AKAIN1: variants seen among roughly 807,000 people sequenced by gnomAD.
AKAIN1 encodes the protein A-kinase anchor protein inhibitor 1.
Under a neutral mutation model 3.7 loss-of-function variants are expected in AKAIN1, and 3 were observed. That is an observed-to-expected ratio of 0.82 (90% CI 0.37 to 2.12). AKAIN1 has a LOEUF of 2.12. Among genes scored for constraint, AKAIN1 ranks in the 30% most tolerant of loss-of-function variants. AKAIN1 has a pLI of 0.06. For synonymous variants in AKAIN1, 31 were observed against 30.8 expected (o/e 1.01, Z -0.02); for missense variants, 82 against 82.7 (o/e 0.99, Z 0.03).
At chr18:5,148,410 G>T (rs1365044090) in intron 1 of AKAIN1, among the ~76,000 whole-genome samples, 1 of 152,176 alleles carries the variant, frequency 6.6e-6, no homozygotes, top group Non-Finnish European at 1.5e-5. Flanking sequence ...AAAATGGAGG[G>T]CAAGCAATTT....
intron 1 of AKAIN1, among the ~76,000 whole-genome samples, chr18:5,171,233 C>A (rs2071196036): frequency 6.6e-6 from 1 of 152,148 alleles, no homozygotes; most frequent in Admixed American, 6.6e-5. Flanking sequence ...ATATGCTATA[C>A]TTCCATTTAA....
intron 1 of AKAIN1, among the ~76,000 whole-genome samples, chr18:5,186,242 G>A (rs1598316049): frequency 6.6e-6 from 1 of 152,132 alleles, no homozygotes; most frequent in African/African-American, 2.4e-5. Context: ...GTGGGAGGAG[G>A]GAGAGTATAA....
rs557220820 is a variant in AKAIN1 at position 5,164,591 on chromosome 18, C to A, written c.17-18836G>T. 2.0e-5 allele frequency among the ~76,000 whole-genome samples: 3 copies of A among 152,006 alleles called. No homozygotes were observed. In the East Asian group the frequency reaches 5.8e-4, roughly 29 times the overall value. On this transcript the variant is annotated intron_variant, in intron 1 of 1. Coordinates refer to ENST00000434239, the MANE Select transcript of AKAIN1 (RefSeq NM_001145194.2). Reference sequence around the variant, plus strand: ...TCTAGAATGAGCCAGAAATCTGAGTCCCTCCCAGGACGACAGATAACACCT... The same window carrying A: ...TCTAGAATGAGCCAGAAATCTGAGTACCTCCCAGGACGACAGATAACACCT...
chr18:5,194,799 T>A (rs949522482), intron 1 of AKAIN1, among the ~76,000 whole-genome samples: 1 of 152,228 alleles, frequency 6.6e-6, no homozygotes, highest in African/African-American at 2.4e-5. Flanking sequence ...TGGAGTGATC[T>A]TAGCACATGA....
chr18:5,196,994 G>A (rs781075886), intron 1 of AKAIN1, 44 bp downstream of exon 1: 20 of 1,500,886 alleles, frequency 1.3e-5, no homozygotes, highest in Non-Finnish European at 1.7e-5. Context: ...CCTCTACCCT[G>A]CTCCCCTCCT....
intron 1 of AKAIN1, among the ~76,000 whole-genome samples, chr18:5,181,375 T>A (rs2071257612): frequency 6.6e-6 from 1 of 152,120 alleles, no homozygotes; most frequent in Non-Finnish European, 1.5e-5. Flanking sequence ...AGCAAATCCA[T>A]CAGCTGTGAC....
intron 1 of AKAIN1, among the ~76,000 whole-genome samples, chr18:5,160,675 T>G (rs1418701089): frequency 1.3e-5 from 2 of 152,196 alleles, no homozygotes; most frequent in Admixed American, 6.5e-5. Flanking sequence ...TTTTGAAAAC[T>G]TTGCAATTTT....
chr18:5,189,253 A>G (rs1227846919), intron 1 of AKAIN1, among the ~76,000 whole-genome samples: 1 of 152,166 alleles, frequency 6.6e-6, no homozygotes, highest in Non-Finnish European at 1.5e-5. Context: ...AAGATCTTCG[A>G]AATGCCTTTG....
chr18:5,153,902 G>C (rs951624083), intron 1 of AKAIN1, among the ~76,000 whole-genome samples: 1 of 151,688 alleles, frequency 6.6e-6, no homozygotes, highest in Non-Finnish European at 1.5e-5. Context: ...AATGTGTGGG[G>C]GAAGGGGGCA....
chr18:5,197,098 G>A lies in AKAIN1; in HGVS notation c.-45C>T, dbSNP rs1178913822. ...GCCCCCAGATTAAGAGAGAAAGACA[G>A]GCAGACGGAGGATGGGAAGAAGGCC... is the stretch of plus-strand genomic sequence containing the variant. On this transcript the variant is annotated 5_prime_UTR_variant, in exon 1 of 2. Transcript: ENST00000434239. The surrounding 1 kb of genome is among the most constrained non-coding windows in gnomAD (Gnocchi z 6.9). 22 of 1,550,926 alleles carry A rather than the reference G, an allele frequency of 1.4e-5. No homozygotes were observed. In the East Asian group the frequency reaches 5.4e-4, roughly 38 times the overall value.
chr18:5,163,393 G>A (rs1168898611), intron 1 of AKAIN1, among the ~76,000 whole-genome samples: 8 of 151,938 alleles, frequency 5.3e-5, no homozygotes. Flanking sequence ...TCATTTCCAG[G>A]GTTTTCCTCT....
intron 1 of AKAIN1, among the ~76,000 whole-genome samples, chr18:5,154,976 A>G (rs2071099125): frequency 6.6e-6 from 1 of 151,994 alleles, no homozygotes; most frequent in Non-Finnish European, 1.5e-5. Context: ...TTGTAGAGAT[A>G]GTGTCTTGCC....
chr18:5,160,741 G>C lies in AKAIN1; in HGVS notation c.17-14986C>G, dbSNP rs77898664. Reference sequence around the variant, plus strand: ...GAATTGATTTTTGTGCATAGTGTGAGGTAAGGACCTGATTTCCTGTATTTT... The same window carrying C: ...GAATTGATTTTTGTGCATAGTGTGACGTAAGGACCTGATTTCCTGTATTTT... On this transcript the variant is annotated intron_variant, in intron 1 of 1. Transcript: ENST00000434239. Among the ~76,000 whole-genome samples, 384 of 152,236 alleles carry C rather than the reference G, an allele frequency of 2.5e-3. 1 individual carries two copies. The highest frequency in any genetic ancestry group is 8.9e-3 in the African/African-American group (369 of 41,552).
intron 1 of AKAIN1, among the ~76,000 whole-genome samples, chr18:5,169,206 G>A (rs2071184076): frequency 6.6e-6 from 1 of 152,052 alleles, no homozygotes; most frequent in Non-Finnish European, 1.5e-5. Flanking sequence ...TGCTCTTACA[G>A]CCTTCAACTG....
At chr18:5,145,828 G>GGAGGGAA in intron 1 of AKAIN1, 73 bp from the exon 2 acceptor site, 1 of 1,300,126 alleles carries the variant, frequency 7.7e-7, no homozygotes, top group South Asian at 1.4e-5. Context: ...AAAGGTAGAG[G>GGAGGGAA]AGAAAGATGG....
At chr18:5,162,932 G>A (rs1376314422) in intron 1 of AKAIN1, among the ~76,000 whole-genome samples, 1 of 151,774 alleles carries the variant, frequency 6.6e-6, no homozygotes, top group African/African-American at 2.4e-5. Flanking sequence ...GTATCCATAA[G>A]AATCACCTAG....
intron 1 of AKAIN1, among the ~76,000 whole-genome samples, chr18:5,167,746 C>T (rs1322016277): frequency 6.6e-6 from 1 of 151,964 alleles, no homozygotes; most frequent in African/African-American, 2.4e-5. Context: ...CCAGTATAGA[C>T]ACCATGTTTA....
chr18:5,171,479 A>C (rs1023008420), intron 1 of AKAIN1, among the ~76,000 whole-genome samples: 1 of 152,182 alleles, frequency 6.6e-6, no homozygotes. Flanking sequence ...AAGGAGCTCA[A>C]ACAACACTAC....
At chr18:5,156,620 G>A (rs116562802) in intron 1 of AKAIN1, among the ~76,000 whole-genome samples, 267 of 152,282 alleles carry the variant, frequency 1.8e-3, no homozygotes, top group African/African-American at 6.1e-3. Flanking sequence ...TATGAATTCA[G>A]TAATGCTTTT....
Sources: gnomAD v4.1 joint callset for allele counts (sites outside exome capture counted in the v4.1 genomes callset) on GRCh38, gnomAD v4.1.1 for gene constraint, Gnocchi (gnomAD v3.1) non-coding constraint, MANE v1.5 for transcripts, NCBI Gene and HGNC (gene_info 2026-07-23, HGNC 2026-07-21) for gene names.